RIMS3: variants seen among roughly 807,000 people sequenced by gnomAD.
RIMS3 encodes regulating synaptic membrane exocytosis protein 3.
In RIMS3, 15 loss-of-function variants were observed where a neutral mutation model predicts 29.2. That is an observed-to-expected ratio of 0.51 (90% CI 0.34 to 0.79). The LOEUF is 0.79. Ranked by LOEUF, RIMS3 falls within the 30% of genes least tolerant of loss-of-function variation. RIMS3 has a pLI of 0.01. For synonymous variants in RIMS3, 161 were observed against 170.1 expected (o/e 0.95, Z 0.41); for missense variants, 342 against 421.4 (o/e 0.81, Z 1.65).
upstream of RIMS3, among the ~76,000 whole-genome samples, chr1:40,665,926 C>G (rs192890766): frequency 4.0e-4 from 61 of 152,308 alleles, no homozygotes; most frequent in Non-Finnish European, 6.2e-4. Context: ...CCGGCCTCCC[C>G]TCTCCACCAC....
At chr1:40,648,459 A>C (rs747335704) in intron 1 of RIMS3, among the ~76,000 whole-genome samples, 2 of 152,212 alleles carry the variant, frequency 1.3e-5, no homozygotes, top group African/African-American at 2.4e-5. Flanking sequence ...TGCCACTTAC[A>C]AGCTGTATGA....
chr1:40,627,590 C>A (rs1000165796), intron 7 of RIMS3, among the ~76,000 whole-genome samples: 1 of 151,668 alleles, frequency 6.6e-6, no homozygotes. Context: ...CCTAGGGTTC[C>A]GCAGTTCTTT....
At chr1:40,629,799 G>A (rs962110605) in intron 5 of RIMS3, among the ~76,000 whole-genome samples, 2 of 152,046 alleles carry the variant, frequency 1.3e-5, no homozygotes, top group African/African-American at 2.4e-5. Context: ...GTTTGAGGCC[G>A]GGCGCAGTGG....
At chr1:40,675,758 C>CAAAAAA in the RIMS3 span, among the ~76,000 whole-genome samples, 1 of 107,336 alleles carries the variant, frequency 9.3e-6, no homozygotes, top group Non-Finnish European at 1.8e-5. Flanking sequence ...AACTCCATCT[C>CAAAAAA]AAAAAAAAAA....
intron 3 of RIMS3, among the ~76,000 whole-genome samples, chr1:40,637,754 C>A (rs1646530323): frequency 6.6e-6 from 1 of 152,146 alleles, no homozygotes; most frequent in African/African-American, 2.4e-5. Context: ...TGGAGTTGAA[C>A]CCTCCCATTC....
At chr1:40,650,646 G>A (rs1270709084) in intron 1 of RIMS3, among the ~76,000 whole-genome samples, 1 of 151,692 alleles carries the variant, frequency 6.6e-6, no homozygotes, top group Non-Finnish European at 1.5e-5. Flanking sequence ...TGAATCGCGT[G>A]AGCCCAGGAT....
rs779625950 is a variant in RIMS3 at position 40,635,961 on chromosome 1, C to T, written c.314G>A (p.Arg105Gln). ...MRSRVTRQGS[R>Q]ESTDGSTNSN... ...GTTGGTGCTCCCATCGGTGGACTCCCGGCTGCCCTGGCGTGTGACCCGGCT... is the reference window on the plus strand; with the variant it reads ...GTTGGTGCTCCCATCGGTGGACTCCTGGCTGCCCTGGCGTGTGACCCGGCT... Residue 105 changes from arginine to glutamine, a missense_variant, in exon 4 of 8, where the codon CGG (arginine) becomes CAG (glutamine). By Grantham distance (43) the Arg-to-Gln change is conservative (BLOSUM62 1). Coordinates refer to ENST00000372684, the MANE Select transcript of RIMS3 (RefSeq NM_014747.3). The surrounding 1 kb of genome is among the most constrained non-coding windows in gnomAD (Gnocchi z 4.1). 1.9e-6 allele frequency: 3 copies of T among 1,612,138 alleles called. No homozygotes were observed. Among genetic ancestry groups the T allele is most frequent in the Non-Finnish European group, 2.5e-6 (3 of 1,179,992 alleles).
chr1:40,637,422 T>C (rs1391551148), intron 3 of RIMS3, among the ~76,000 whole-genome samples: 1 of 152,064 alleles, frequency 6.6e-6, no homozygotes, highest in Non-Finnish European at 1.5e-5. Flanking sequence ...TCTGAAATCA[T>C]CCCAGCTTCT....
At position 40,623,755 on chromosome 1, in the gene RIMS3, T is replaced by C. The variant is rs1246904346; in HGVS notation, c.*2762A>G. 7.9e-6 allele frequency: 3 copies of C among 378,272 alleles called. No homozygotes were observed. The highest frequency in any genetic ancestry group is 9.3e-6 in the Non-Finnish European group (2 of 214,964). The allele number at this position is 378,272 out of a possible 1,614,324, so 23.4% of individuals were successfully genotyped here. A position where few individuals can be genotyped will look rare whatever the true frequency, so the allele number is the denominator to read the frequency against. On this transcript the variant is annotated 3_prime_UTR_variant, in exon 8 of 8. Coordinates refer to ENST00000372684, the MANE Select transcript of RIMS3 (RefSeq NM_014747.3). ...TTCTCCTCTTCTGGGACAGGCTAGG[T>C]CCAGAGTGGCTTTTCAGACAAGCCC... is the stretch of plus-strand genomic sequence containing the variant.
In RIMS3 at chr1:40,654,263, G is replaced by T. The variant is rs1317673599; in HGVS notation, c.-206-6421C>A. ...GCCCCGCACCAAGCCGGAAGGCGCCGCCCGCGCCTGCTGCCCACCCTGGGG... is the reference window on the plus strand; with the variant it reads ...GCCCCGCACCAAGCCGGAAGGCGCCTCCCGCGCCTGCTGCCCACCCTGGGG... On this transcript the variant is annotated intron_variant, in intron 1 of 7. Coordinates refer to ENST00000372684, the MANE Select transcript of RIMS3 (RefSeq NM_014747.3). The surrounding 1 kb of genome is among the most constrained non-coding windows in gnomAD (Gnocchi z 5.3). 2.0e-5 allele frequency among the ~76,000 whole-genome samples: 3 copies of T among 151,044 alleles called. No individual in the cohort carries two copies. The highest frequency in any genetic ancestry group is 7.3e-5 in the African/African-American group (3 of 41,168).
In RIMS3 at chr1:40,623,779, C is replaced by T. The variant is rs113902478; in HGVS notation, c.*2738G>A. On this transcript the variant is annotated 3_prime_UTR_variant, in exon 8 of 8. Coordinates refer to ENST00000372684, the MANE Select transcript of RIMS3 (RefSeq NM_014747.3). ...GTCCAGAGTGGCTTTTCAGACAAGC[C>T]CCTGCATCCATGATGCTGAGAAACA... 3,074 of 369,482 alleles carry T rather than the reference C, an allele frequency of 8.3e-3. 18 individuals are homozygous for T. The highest frequency in any genetic ancestry group is 0.012 in the Non-Finnish European group (2,456 of 208,122). 22.9% of individuals were successfully genotyped at this position (369,482 alleles called of 1,614,324 possible).
chr1:40,691,909 A>C, the RIMS3 span: 1 of 344,840 alleles, frequency 2.9e-6, no homozygotes, highest in Non-Finnish European at 5.8e-6. Flanking sequence ...GGTGATAGGG[A>C]AGCGGCGGCG....
chr1:40,687,590 A>C, the RIMS3 span: 1 of 146,562 alleles, frequency 6.8e-6, no homozygotes, highest in Non-Finnish European at 1.5e-5. Context: ...CAACAAGAGC[A>C]AAACTCCATC....
At position 40,635,942 on chromosome 1, in the gene RIMS3, G is replaced by A. The variant is rs1394317982; in HGVS notation, c.333C>T (p.Ser111=). 6.2e-7 allele frequency: 1 copy of A among 1,612,658 alleles called. No individual in the cohort carries two copies. Among genetic ancestry groups the A allele is most frequent in the Non-Finnish European group, 8.5e-7 (1 of 1,179,976 alleles). ...RQGSRESTDG[S]TNSNSSDGTF... ...TGCCGTCGGAGCTGTTGCTGTTGGT[G>A]CTCCCATCGGTGGACTCCCGGCTGC... is the stretch of plus-strand genomic sequence containing the variant. The change falls in exon 4 of 8, where the codon AGC becomes AGT. Residue 111 remains serine (S), a synonymous_variant. Transcript: ENST00000372684. The surrounding 1 kb of genome is among the most constrained non-coding windows in gnomAD (Gnocchi z 4.1).
chr1:40,658,174 C>T (rs757415215), intron 1 of RIMS3, among the ~76,000 whole-genome samples: 6 of 152,128 alleles, frequency 3.9e-5, no homozygotes, highest in South Asian at 2.1e-4. Context: ...TGAAGATTTT[C>T]GTGGGGAAAA....
At chr1:40,668,206 G>A (rs889808439), upstream of RIMS3, among the ~76,000 whole-genome samples, 7 of 142,578 alleles carry the variant, frequency 4.9e-5, no homozygotes, top group African/African-American at 1.3e-4. Flanking sequence ...AACTGAGATC[G>A]CACCACTGCA....
In RIMS3 at chr1:40,626,516, C is replaced by G; in HGVS notation, c.*1G>C. 1 of 1,601,550 alleles carries G rather than the reference C, an allele frequency of 6.2e-7. No individual in the cohort carries two copies. The highest frequency in any genetic ancestry group is 1.1e-5 in the South Asian group (1 of 89,286). On this transcript the variant is annotated 3_prime_UTR_variant, in exon 8 of 8. Transcript: ENST00000372684. ...ACCATCCTGGCCTCTTCCTGACATCCTTAAGAGCATGAGGGGCTGGTGGCA... is the reference window on the plus strand; with the variant it reads ...ACCATCCTGGCCTCTTCCTGACATCGTTAAGAGCATGAGGGGCTGGTGGCA...
chr1:40,652,532 G>A (rs138695418), intron 1 of RIMS3, among the ~76,000 whole-genome samples: 3 of 152,344 alleles, frequency 2.0e-5, no homozygotes, highest in East Asian at 1.9e-4. Flanking sequence ...TTTTGGAGAG[G>A]AGAGGCAGAG....
At chr1:40,680,418 G>A in the RIMS3 span, among the ~76,000 whole-genome samples, 84 of 146,772 alleles carry the variant, frequency 5.7e-4, 1 homozygote, top group African/African-American at 2.0e-3. Flanking sequence ...TGCAACCTCC[G>A]CCTTCTGGGT....
Sources: gnomAD v4.1 joint callset for allele counts (sites outside exome capture counted in the v4.1 genomes callset) on GRCh38, gnomAD v4.1.1 for gene constraint, Gnocchi (gnomAD v3.1) non-coding constraint, MANE v1.5 for transcripts, NCBI Gene and HGNC (gene_info 2026-07-23, HGNC 2026-07-21) for gene names.